KCNH8: variants seen among roughly 807,000 people sequenced by gnomAD.
KCNH8 encodes voltage-gated delayed rectifier potassium channel KCNH8.
Under a neutral mutation model 103.6 loss-of-function variants are expected in KCNH8, and 70 were observed. That is an observed-to-expected ratio of 0.68 (90% confidence interval 0.56 to 0.82). KCNH8 has a LOEUF of 0.82. Ranked by LOEUF, KCNH8 falls within the 40% of genes least tolerant of loss-of-function variation. KCNH8 has a pLI of 0.00. For missense variants in KCNH8, 1,217 were observed against 1,329.9 expected (o/e 0.92, Z 1.32); for synonymous variants, 498 against 489.4 (o/e 1.02, Z -0.23).
At chr3:19,276,158 C>G (rs1481498744) in intron 2 of KCNH8, among the ~76,000 whole-genome samples, 5 of 147,916 alleles carry the variant, frequency 3.4e-5, no homozygotes, top group African/African-American at 1.3e-4. Flanking sequence ...TTTCCCCACT[C>G]CCACCCCAAT....
intron 11 of KCNH8, among the ~76,000 whole-genome samples, chr3:19,465,049 T>C (rs569926524): frequency 3.9e-4 from 60 of 152,214 alleles, no homozygotes; most frequent in Admixed American, 4.6e-4. Flanking sequence ...TTTTCTTTTC[T>C]TTTATTCTGC....
intron 7 of KCNH8, among the ~76,000 whole-genome samples, chr3:19,409,691 A>G (rs1187304506): frequency 1.3e-5 from 2 of 152,164 alleles, no homozygotes; most frequent in African/African-American, 2.4e-5. Context: ...ACAGAAAACA[A>G]AAAACAAAGA....
chr3:19,499,115 A>G (rs987605009), intron 11 of KCNH8, among the ~76,000 whole-genome samples: 3 of 152,224 alleles, frequency 2.0e-5, no homozygotes, highest in East Asian at 1.9e-4. Context: ...GGAGCTGAAA[A>G]CCAAGGCTCG....
intron 3 of KCNH8, among the ~76,000 whole-genome samples, chr3:19,286,686 T>C (rs184344743): frequency 6.6e-6 from 1 of 152,346 alleles, no homozygotes. Context: ...ATCTCTAGAT[T>C]ACTTATAATG....
At chr3:19,472,460 T>C (rs914938422) in intron 11 of KCNH8, among the ~76,000 whole-genome samples, 1 of 152,126 alleles carries the variant, frequency 6.6e-6, no homozygotes, top group African/African-American at 2.4e-5. Flanking sequence ...GATAGTGAAT[T>C]AGTCTCATGA....
intron 1 of KCNH8, among the ~76,000 whole-genome samples, chr3:19,200,407 A>G (rs1202271966): frequency 6.6e-6 from 1 of 152,062 alleles, no homozygotes; most frequent in East Asian, 1.9e-4. Flanking sequence ...TTTATATTCT[A>G]AAACAAAATT....
chr3:19,288,867 T>G (rs1304753303), intron 3 of KCNH8, among the ~76,000 whole-genome samples: 1 of 152,202 alleles, frequency 6.6e-6, no homozygotes, highest in African/African-American at 2.4e-5. Flanking sequence ...GTGTTCCTCT[T>G]TCTCCACACC....
intron 1 of KCNH8, among the ~76,000 whole-genome samples, chr3:19,223,580 T>A (rs983752954): frequency 2.6e-5 from 4 of 152,230 alleles, no homozygotes. Flanking sequence ...GTAAGTTAAA[T>A]GTGCTTATTT....
chr3:19,168,354 C>T (rs964821022), intron 1 of KCNH8, among the ~76,000 whole-genome samples: 11 of 152,030 alleles, frequency 7.2e-5, no homozygotes, highest in Admixed American at 2.6e-4. Context: ...ATAATTCTGT[C>T]GTTTCAAGAA....
intron 7 of KCNH8, among the ~76,000 whole-genome samples, chr3:19,428,493 G>GC (rs1172904387): frequency 3.9e-5 from 6 of 152,140 alleles, no homozygotes; most frequent in Non-Finnish European, 7.4e-5. Flanking sequence ...GATTTTTGAA[G>GC]TCTGCATAAT....
chr3:19,168,458 C>A, intron 1 of KCNH8, among the ~76,000 whole-genome samples: 1 of 152,140 alleles, frequency 6.6e-6, no homozygotes. Flanking sequence ...TTGATACATG[C>A]CTATAGCAAT....
chr3:19,164,171 G>A (rs1575406360), intron 1 of KCNH8, among the ~76,000 whole-genome samples: 2 of 152,140 alleles, frequency 1.3e-5, no homozygotes, highest in South Asian at 4.1e-4. Flanking sequence ...TGTCTCTTTT[G>A]ACCTGTCATT....
Position 19,290,302 on chromosome 3 carries a change from G to C in KCNH8, c.442+8973G>C, listed in dbSNP as rs570873928. On this transcript the variant is annotated intron_variant, in intron 3 of 15. Transcript: ENST00000328405. ...ACTATGTTGAATAGGAGTGGTGAGAGAGGGCATCCCTGTCTTGTGCCAGTT... is the reference window on the plus strand; with the variant it reads ...ACTATGTTGAATAGGAGTGGTGAGACAGGGCATCCCTGTCTTGTGCCAGTT... 7.0e-3 allele frequency among the ~76,000 whole-genome samples: 1,071 copies of C among 152,250 alleles called. 10 individuals are homozygous for C. Among genetic ancestry groups the C allele is most frequent in the African/African-American group, 0.022 (902 of 41,550 alleles).
intron 7 of KCNH8, among the ~76,000 whole-genome samples, chr3:19,399,760 A>T (rs1458071015): frequency 1.3e-5 from 2 of 151,958 alleles, no homozygotes; most frequent in Non-Finnish European, 2.9e-5. Context: ...TCGATGAGCA[A>T]TGTAGAACTG....
At chr3:19,369,597 A>C (rs2066059705) in intron 5 of KCNH8, among the ~76,000 whole-genome samples, 1 of 152,004 alleles carries the variant, frequency 6.6e-6, no homozygotes, top group African/African-American at 2.4e-5. Context: ...TCAGCTATCT[A>C]TAGGATATCA....
At chr3:19,190,810 C>T (rs187532735) in intron 1 of KCNH8, among the ~76,000 whole-genome samples, 2 of 151,986 alleles carry the variant, frequency 1.3e-5, no homozygotes, top group African/African-American at 4.8e-5. Context: ...CTTCCTGTTT[C>T]AAACCTCCAC....
intron 8 of KCNH8, among the ~76,000 whole-genome samples, chr3:19,444,283 T>C (rs2067329636): frequency 6.6e-6 from 1 of 152,044 alleles, no homozygotes; most frequent in Admixed American, 6.6e-5. Flanking sequence ...GTAAATGTTG[T>C]TGGGCCAAAT....
intron 2 of KCNH8, among the ~76,000 whole-genome samples, chr3:19,276,939 A>G (rs1447076477): frequency 6.6e-6 from 1 of 152,150 alleles, no homozygotes; most frequent in Non-Finnish European, 1.5e-5. Context: ...CACAATATCC[A>G]AGTTATGGAA....
At chr3:19,393,803 G>A (rs145920660) in intron 6 of KCNH8, among the ~76,000 whole-genome samples, 2 of 152,172 alleles carry the variant, frequency 1.3e-5, no homozygotes, top group East Asian at 3.9e-4. Context: ...GCGCCCTTAA[G>A]AGTTTACTGT....
Sources: allele counts gnomAD v4.1 joint callset (sites outside exome capture counted in the v4.1 genomes callset), GRCh38; gene constraint gnomAD v4.1.1; transcripts MANE v1.5; gene names NCBI Gene and HGNC (gene_info 2026-07-23, HGNC 2026-07-21).